The following PSMB5 variants were observed in gnomAD, a reference collection of about 807,000 sequenced individuals.
PSMB5 encodes the protein proteasome 20S subunit beta 5, also known as proteasome subunit beta type-5.
Under a neutral mutation model 22.8 loss-of-function variants are expected in PSMB5, and 2 were observed. The ratio of observed to expected loss-of-function variants is 0.09; its 90% CI spans 0.04 to 0.28. The LOEUF is 0.28. Among genes scored for constraint, PSMB5 ranks in the 10% least tolerant of loss-of-function variants. The pLI, the probability that PSMB5 is intolerant of heterozygous loss-of-function variation, is 1.00. For synonymous variants in PSMB5, 133 were observed against 135.3 expected, an observed-to-expected ratio of 0.98 and a Z score of 0.12; for missense variants, 269 against 343.8, an observed-to-expected ratio of 0.78 and a Z score of 1.72.
intron 2 of PSMB5, among the ~76,000 whole-genome samples, chr14:23,028,342 A>G (rs1444540173): frequency 6.6e-6 from 1 of 152,164 alleles, no homozygotes; most frequent in Non-Finnish European, 1.5e-5. Context: ...CATACTTTAC[A>G]CAGGAGGATA....
At chr14:23,027,584 G>A (rs554238310) in intron 2 of PSMB5, among the ~76,000 whole-genome samples, 3 of 150,500 alleles carry the variant, frequency 2.0e-5, no homozygotes, top group African/African-American at 7.3e-5. Context: ...GGACTTGCAG[G>A]CTGCAGTAAG....
intron 1 of PSMB5, chr14:23,034,385 G>A (rs1283224590): frequency 2.9e-6 from 1 of 344,454 alleles, no homozygotes; most frequent in African/African-American, 2.1e-5. Context: ...TTGTTGTTGC[G>A]GCCTTTCCCA....
rs2139909515 is a variant in PSMB5 at position 23,026,164 on chromosome 14, C to T, written c.717G>A (p.Arg239=). Residue 239 remains arginine (R), a synonymous_variant, in exon 3 of 3, where the codon CGG becomes CGA. Coordinates refer to ENST00000361611, the MANE Select transcript of PSMB5 (RefSeq NM_002797.5). Reference sequence around the variant, plus strand: ...TGGAGACTCGGATCCAGCCATCCTCCCGCACGTGGTAGAGGTTGACTGCAC... The same window carrying T: ...TGGAGACTCGGATCCAGCCATCCTCTCGCACGTGGTAGAGGTTGACTGCAC... ...SGGAVNLYHV[R]EDGWIRVSSD... The T allele has an allele frequency of 6.2e-7, 1 of 1,614,158 alleles. No homozygotes were observed. The highest frequency in any genetic ancestry group is 8.5e-7 in the Non-Finnish European group (1 of 1,180,026).
chr14:23,030,214 G>A (rs1458024357), intron 2 of PSMB5, among the ~76,000 whole-genome samples: 1 of 151,622 alleles, frequency 6.6e-6, no homozygotes, highest in Non-Finnish European at 1.5e-5. Flanking sequence ...ATCAGGCCAG[G>A]AGCTGTGGCT....
Position 23,026,156 on chromosome 14 carries a change from C to A in PSMB5, c.725G>T (p.Gly242Val), listed in dbSNP as rs1381643370. ...AVNLYHVRED[G>V]WIRVSSDNVA... is the part of the protein sequence containing the mutation. The stretch of plus-strand genomic sequence containing the variant: ...ATTGTCACTGGAGACTCGGATCCAG[C>A]CATCCTCCCGCACGTGGTAGAGGTT... The change falls in exon 3 of 3, where the codon GGC becomes GTC. Residue 242 changes from glycine (G) to valine (V), a missense_variant. Coordinates refer to ENST00000361611, the MANE Select transcript of PSMB5 (RefSeq NM_002797.5). 3 of 1,614,166 alleles carry A rather than the reference C, an allele frequency of 1.9e-6. No individual in the cohort carries two copies. Among genetic ancestry groups the A allele is most frequent in the Non-Finnish European group, 2.5e-6 (3 of 1,180,044 alleles).
At chr14:23,035,095 A>C, upstream of PSMB5, 1 of 917,318 alleles carries the variant, frequency 1.1e-6, no homozygotes, top group Non-Finnish European at 1.6e-6. Flanking sequence ...CTAACCTTAA[A>C]TTCTAAAAGG....
At chr14:23,031,038 T>C (rs1031607740) in intron 2 of PSMB5, among the ~76,000 whole-genome samples, 1 of 152,202 alleles carries the variant, frequency 6.6e-6, no homozygotes, top group African/African-American at 2.4e-5. Context: ...TGCGTATAAG[T>C]GGACCTGAGT....
chr14:23,033,527 G>A lies in PSMB5; in HGVS notation c.346C>T (p.Arg116Trp). The change falls in exon 2 of 3, where the codon CGG becomes TGG. Residue 116 changes from arginine to tryptophan, a missense_variant. Arg to Trp is a moderately radical substitution (Grantham distance 101). Around this residue, in one of 3 missense-constraint regions of PSMB5, gnomAD observed 75 missense variants for 143.2 expected, o/e 0.52. Coordinates refer to ENST00000361611, the MANE Select transcript of PSMB5 (RefSeq NM_002797.5). ...ATTCGACATTGCCGAGCCAACAGCCGTTCCCAGAAGCTGCAATCCGCTGCG... is the reference window on the plus strand; with the variant it reads ...ATTCGACATTGCCGAGCCAACAGCCATTCCCAGAAGCTGCAATCCGCTGCG... ...GGAADCSFWERLLARQCRIYE... is the reference protein window; with the variant it reads ...GGAADCSFWEWLLARQCRIYE... 1 of 1,614,108 alleles carries A rather than the reference G, an allele frequency of 6.2e-7. No individual in the cohort carries two copies. Among genetic ancestry groups the A allele is most frequent in the Non-Finnish European group, 8.5e-7 (1 of 1,180,030 alleles).
chr14:23,026,074 T>G lies in PSMB5; in HGVS notation c.*15A>C. On this transcript the variant is annotated 3_prime_UTR_variant, in exon 3 of 3. Transcript: ENST00000361611. ...AGTCACCCCAAGAAACACAAGCAGC[T>G]GCATCCACCCTCTTTCAGGGGGTAG... 8 of 1,612,250 alleles carry G rather than the reference T, an allele frequency of 5.0e-6. No homozygotes were observed. Among genetic ancestry groups the G allele is most frequent in the Non-Finnish European group, 6.8e-6 (8 of 1,178,482 alleles).
At chr14:23,027,787 T>C (rs1330640548) in intron 2 of PSMB5, 1 of 1,548,486 alleles carries the variant, frequency 6.5e-7, no homozygotes, top group East Asian at 2.5e-5. Context: ...ACAAAACAAG[T>C]ACATTCCAAA....
intron 2 of PSMB5, chr14:23,027,754 T>G: frequency 6.5e-7 from 1 of 1,546,702 alleles, no homozygotes; most frequent in Non-Finnish European, 8.7e-7. Flanking sequence ...CCTTGCCATG[T>G]TGCCGATCCT....
chr14:23,028,979 A>ATT (rs2046934732), intron 2 of PSMB5, among the ~76,000 whole-genome samples: 1 of 152,182 alleles, frequency 6.6e-6, no homozygotes, highest in Non-Finnish European at 1.5e-5. Flanking sequence ...AATTCTGCCA[A>ATT]TAGCATCACT....
chr14:23,029,554 A>G (rs1342148712), intron 2 of PSMB5, among the ~76,000 whole-genome samples: 1 of 152,076 alleles, frequency 6.6e-6, no homozygotes, highest in Non-Finnish European at 1.5e-5. Context: ...TGATTGACTG[A>G]CTGATTTTTG....
intron 2 of PSMB5, among the ~76,000 whole-genome samples, chr14:23,030,492 A>G (rs1315780893): frequency 2.1e-5 from 3 of 140,604 alleles, no homozygotes; most frequent in African/African-American, 7.7e-5. Context: ...CCGTCTCAAT[A>G]AAAAAAAAAA....
intron 2 of PSMB5, among the ~76,000 whole-genome samples, chr14:23,032,182 C>T (rs1011336563): frequency 6.5e-4 from 99 of 152,258 alleles, no homozygotes; most frequent in African/African-American, 2.1e-3. Context: ...CAGCGGCTCA[C>T]GCCTTTAATC....
At chr14:23,029,816 C>T (rs968461418) in intron 2 of PSMB5, among the ~76,000 whole-genome samples, 1 of 151,384 alleles carries the variant, frequency 6.6e-6, no homozygotes, top group Non-Finnish European at 1.5e-5. Context: ...GAGTCTTGCT[C>T]TGTTGCCCAG....
rs757517791 is a variant in PSMB5 at position 23,034,854 on chromosome 14, G to T, written c.28C>A (p.Pro10Thr). 6.2e-7 allele frequency: 1 copy of T among 1,614,094 alleles called. No homozygotes were observed. The highest frequency in any genetic ancestry group is 1.7e-5 in the Admixed American group (1 of 60,008). MALASVLERPLPVNQRGFFG... is the reference protein window; with the variant it reads MALASVLERTLPVNQRGFFG... ...AACCCGCGCTGGTTCACCGGTAGCG[G>T]TCTCTCCAACACGCTGGCAAGCGCC... Residue 10 changes from proline (P) to threonine (T), a missense_variant, in exon 1 of 3, where the codon CCG becomes ACG. Pro to Thr is a conservative substitution (Grantham distance 38). This residue lies in a region of PSMB5 where 81 missense variants were observed against 70.4 expected (regional missense o/e 1.15). Transcript: ENST00000361611.
At chr14:23,026,809 G>A (rs1233694354) in intron 2 of PSMB5, among the ~76,000 whole-genome samples, 1 of 150,906 alleles carries the variant, frequency 6.6e-6, no homozygotes, top group African/African-American at 2.4e-5. Context: ...TAGGCCGGGC[G>A]CGGTGGCTCA....
chr14:23,027,856 A>C, intron 2 of PSMB5: 1 of 1,515,290 alleles, frequency 6.6e-7, no homozygotes, highest in Middle Eastern at 1.7e-4. Flanking sequence ...TTAAAACATA[A>C]TCCCCGGCCA....
Sources: gnomAD v4.1 joint callset for allele counts (sites outside exome capture counted in the v4.1 genomes callset) on GRCh38, gnomAD v4.1.1 for gene constraint, gnomAD v4.1.1 regional missense constraint, MANE v1.5 for transcripts, NCBI Gene and HGNC (gene_info 2026-07-23, HGNC 2026-07-21) for gene names.